MTFMT: variants seen among roughly 807,000 people sequenced by gnomAD.
The protein encoded by MTFMT is methionyl-tRNA formyltransferase, mitochondrial.
Under a neutral mutation model 51.8 loss-of-function variants are expected in MTFMT, and 47 were observed. The observed-to-expected ratio is 0.91, with a 90% confidence interval of 0.72 to 1.16. MTFMT has a LOEUF of 1.16. MTFMT is among the 50% of genes most tolerant of loss of function. The probability of loss-of-function intolerance (pLI) is 0.00; values close to 1 mark genes in which losing one functional copy is unlikely to be tolerated. For synonymous variants in MTFMT, 196 were observed against 176.7 expected (o/e 1.11, Z -0.87); for missense variants, 512 against 482.3 (o/e 1.06, Z -0.58).
intron 6 of MTFMT, among the ~76,000 whole-genome samples, chr15:65,009,558 G>C (rs141934255): frequency 2.1e-3 from 324 of 152,310 alleles, no homozygotes; most frequent in African/African-American, 7.5e-3. Context: ...TCCAAGCATA[G>C]TCTGGATGTC....
At chr15:65,028,323 G>A (rs2140492398) in intron 1 of MTFMT, among the ~76,000 whole-genome samples, 1 of 152,324 alleles carries the variant, frequency 6.6e-6, no homozygotes, top group Middle Eastern at 3.4e-3. Flanking sequence ...AGCTGAGATG[G>A]GATGATTGCT....
At position 65,006,099 on chromosome 15, in the gene MTFMT, T is replaced by G. The variant is rs776567068; in HGVS notation, c.892+14A>C. On this transcript the variant is annotated intron_variant, in intron 7 of 8. Coordinates refer to ENST00000220058, the MANE Select transcript of MTFMT (RefSeq NM_139242.4). ...TGAAAACAGCTTCCATGTTAGCTAT[T>G]CAAAAGTTAGTACCAGCAAGGACTG... 58 of 1,602,216 alleles carry G rather than the reference T, an allele frequency of 3.6e-5. No homozygotes were observed. The South Asian group carries it at 5.2e-4, about 14-fold the overall frequency.
At position 65,020,270 on chromosome 15, in the gene MTFMT, G is replaced by C. The variant is rs1228267897; in HGVS notation, c.648C>G (p.Leu216=). 6.4e-7 allele frequency: 1 copy of C among 1,571,542 alleles called. No individual in the cohort carries two copies. Among genetic ancestry groups the C allele is most frequent in the African/African-American group, 1.5e-5 (1 of 68,660 alleles). Residue 216 remains leucine (L), a splice_region_variant and synonymous_variant, in exon 5 of 9, where the codon CTC becomes CTG. Coordinates refer to ENST00000220058, the MANE Select transcript of MTFMT (RefSeq NM_139242.4). ...CAGGCAAATTTTTCAAAACTGAAATGAGCTACAAAAAAAAAAAAAAGAGTG... is the reference window on the plus strand; with the variant it reads ...CAGGCAAATTTTTCAAAACTGAAATCAGCTACAAAAAAAAAAAAAAGAGTG... ...AVLSRLGANM[L]ISVLKNLPES...
Position 65,020,212 on chromosome 15 carries a change from C to A in MTFMT, c.706G>T (p.Glu236Ter). The A allele has an allele frequency of 6.2e-7, 1 of 1,612,824 alleles. No individual in the cohort carries two copies. Among genetic ancestry groups the A allele is most frequent in the Admixed American group, 1.7e-5 (1 of 59,852 alleles). Residue 236 changes from glutamate to a stop codon, truncating the protein, a stop_gained, in exon 5 of 9, where the codon GAG (glutamate) becomes TAG (stop). Transcript: ENST00000220058. LOFTEE classifies it high-confidence loss of function. ...CTTCACTCACCGTAAGTCGCCCCCT[C>A]CATTGGCTGCTGCCTTCCATTGCTC... ...SLSNGRQQPM[E>*]GATYAPKISA...
At chr15:65,015,718 G>C (rs1274428409) in intron 6 of MTFMT, 1 of 152,616 alleles carries the variant, frequency 6.6e-6, no homozygotes, top group African/African-American at 2.4e-5. Flanking sequence ...TGTGCCTGTG[G>C]TTGCAGCTAC....
In MTFMT at chr15:65,029,442, A is replaced by T. The variant is rs188718836; in HGVS notation, c.172T>A (p.Phe58Ile). Residue 58 changes from phenylalanine to isoleucine, a missense_variant, in exon 1 of 9, where the codon TTC (phenylalanine) becomes ATC (isoleucine). Physicochemically the swap from Phe to Ile is conservative, Grantham distance 21. Transcript: ENST00000220058. ...WRVLFFGTDQFAREALRALHA... is the reference protein window; with the variant it reads ...WRVLFFGTDQIAREALRALHA... ...AGCGCCCGCAGCGCCTCGCGGGCGA[A>T]CTGGTCCGTGCCGAAGAAGAGCACC... The T allele has an allele frequency of 0.015, 22,125 of 1,517,602 alleles. 218 individuals are homozygous for T. The highest frequency in any genetic ancestry group is 0.017 in the Non-Finnish European group (18,866 of 1,135,534). The allele number at this position is 1,517,602 out of a possible 1,614,324, so 94.0% of individuals were successfully genotyped here. A position where few individuals can be genotyped will look rare whatever the true frequency, so the allele number is the denominator to read the frequency against.
intron 6 of MTFMT, among the ~76,000 whole-genome samples, chr15:65,009,674 A>G (rs1482587973): frequency 1.0e-5 from 1 of 99,252 alleles, no homozygotes; most frequent in Non-Finnish European, 2.0e-5. Flanking sequence ...TTTTTTAAAG[A>G]CCGGATCTTG....
chr15:65,005,517 C>T (rs1036426417), intron 7 of MTFMT, among the ~76,000 whole-genome samples: 4 of 151,964 alleles, frequency 2.6e-5, no homozygotes, highest in Non-Finnish European at 1.5e-5. Context: ...TCGAGTCATT[C>T]TGCACTCTCT....
intron 1 of MTFMT, among the ~76,000 whole-genome samples, chr15:65,027,666 T>G (rs1445792052): frequency 1.3e-5 from 2 of 152,214 alleles, no homozygotes; most frequent in African/African-American, 4.8e-5. Context: ...TTTGCATTTT[T>G]TTTCCTTTTA....
intron 1 of MTFMT, 41 bp from the exon 2 acceptor site, chr15:65,027,081 A>C: frequency 6.7e-7 from 1 of 1,492,326 alleles, no homozygotes; most frequent in African/African-American, 1.4e-5. Context: ...TGTTAAGGCA[A>C]TGACTCAAAG....
Position 65,014,355 on chromosome 15 carries a change from G to A in MTFMT, c.813+2081C>T, listed in dbSNP as rs577804160. On this transcript the variant is annotated intron_variant, in intron 6 of 8. Coordinates refer to ENST00000220058, the MANE Select transcript of MTFMT (RefSeq NM_139242.4). ...TTTTTTTTTTTTGAGATGGAGTTTC[G>A]CTCTTGTTGCCCAGGCTGGTGTGCA... 1.6e-3 allele frequency among the ~76,000 whole-genome samples: 202 copies of A among 127,394 alleles called. 1 individual carries two copies. Among genetic ancestry groups the A allele is most frequent in the South Asian group, 4.8e-3 (20 of 4,184 alleles). 83.6% of individuals were successfully genotyped at this position (127,394 alleles called of 152,430 possible). A position where few individuals can be genotyped will look rare whatever the true frequency, so the allele number is the denominator to read the frequency against.
rs1193709724 is a variant in MTFMT, at chr15:65,029,416, C to T, written c.198G>A (p.Leu66=). The part of the protein sequence containing the change: ...DQFAREALRA[L]HAARENKEEE... ...CCTGGCCCGGGTACCTGGCGGCGTG[C>T]AGCGCCCGCAGCGCCTCGCGGGCGA... The change falls in exon 1 of 9, where the codon CTG becomes CTA. Residue 66 remains leucine (L), a synonymous_variant. Coordinates refer to ENST00000220058, the MANE Select transcript of MTFMT (RefSeq NM_139242.4). 2 of 1,497,126 alleles carry T rather than the reference C, an allele frequency of 1.3e-6. No homozygotes were observed. The highest frequency in any genetic ancestry group is 2.2e-5 in the Admixed American group (1 of 45,968). 92.7% of individuals were successfully genotyped at this position (1,497,126 alleles called of 1,614,324 possible).
chr15:65,026,025 G>T (rs544144334), intron 2 of MTFMT: 1 of 152,240 alleles, frequency 6.6e-6, no homozygotes, highest in Non-Finnish European at 1.5e-5. Context: ...AGTGAGCCCG[G>T]GCATGGCTGA....
chr15:65,020,271 A>G lies in MTFMT; in HGVS notation c.647T>C (p.Leu216Pro). Residue 216 changes from leucine (L) to proline (P), a missense_variant and splice_region_variant, in exon 5 of 9, where the codon CTC becomes CCC. Physicochemically the swap from Leu to Pro is moderately conservative, Grantham distance 98. Coordinates refer to ENST00000220058, the MANE Select transcript of MTFMT (RefSeq NM_139242.4). Reference sequence around the variant, plus strand: ...AGGCAAATTTTTCAAAACTGAAATGAGCTACAAAAAAAAAAAAAAGAGTGT... The same window carrying G: ...AGGCAAATTTTTCAAAACTGAAATGGGCTACAAAAAAAAAAAAAAGAGTGT... ...AVLSRLGANMLISVLKNLPES... is the reference protein window; with the variant it reads ...AVLSRLGANMPISVLKNLPES... The G allele has an allele frequency of 6.3e-7, 1 of 1,597,974 alleles. No individual in the cohort carries two copies. The highest frequency in any genetic ancestry group is 8.5e-7 in the Non-Finnish European group (1 of 1,172,834).
At chr15:65,029,185 G>A (rs2086456568) in intron 1 of MTFMT, 13 of 829,894 alleles carry the variant, frequency 1.6e-5, no homozygotes, top group Non-Finnish European at 1.9e-5. Flanking sequence ...CACAGAGGCG[G>A]CGGGGAGTGA....
intron 1 of MTFMT, among the ~76,000 whole-genome samples, chr15:65,028,668 GA>G (rs567708996): frequency 6.6e-6 from 1 of 151,974 alleles, no homozygotes; most frequent in African/African-American, 2.4e-5. Flanking sequence ...GACTGCGTCA[GA>G]AAAAAACAGA....
chr15:65,006,378 C>CTTT (rs796457972), intron 6 of MTFMT, among the ~76,000 whole-genome samples, 187 bp from the exon 7 acceptor site: 8 of 136,228 alleles, frequency 5.9e-5, no homozygotes, highest in East Asian at 2.1e-4. Flanking sequence ...TTTATAAGAT[C>CTTT]TTTTTTTTTT....
At chr15:65,020,395 T>TAA in intron 4 of MTFMT, 123 bp from the exon 5 acceptor site, 1 of 800,828 alleles carries the variant, frequency 1.2e-6, no homozygotes, top group East Asian at 2.9e-5. Flanking sequence ...TTTTTCAAAT[T>TAA]AAAAAAAAAA....
chr15:65,026,799 C>T, intron 2 of MTFMT, 32 bp downstream of exon 2: 1 of 1,562,120 alleles, frequency 6.4e-7, no homozygotes, highest in Non-Finnish European at 8.8e-7. Context: ...ACCAAGGTTT[C>T]TATACTGTAT....
Sources: allele counts gnomAD v4.1 joint callset (sites outside exome capture counted in the v4.1 genomes callset), GRCh38; gene constraint gnomAD v4.1.1; transcripts MANE v1.5; gene names NCBI Gene and HGNC (gene_info 2026-07-23, HGNC 2026-07-21).